INTS15: variants seen among roughly 807,000 people sequenced by gnomAD.
INTS15 encodes the protein uncharacterized protein C7orf26.
At chr7:6,592,847 C>T in the INTS15 span, among the ~76,000 whole-genome samples, 203 of 152,052 alleles carry the variant, frequency 1.3e-3, no homozygotes, top group African/African-American at 4.7e-3. Context: ...TGAGGTCAAG[C>T]GATCCTCCTG....
chr7:6,608,049 C>T, the INTS15 span: 2 of 1,599,300 alleles, frequency 1.3e-6, no homozygotes, highest in South Asian at 1.1e-5. Context: ...CACACGCCCC[C>T]GCTGGGCTAC....
At chr7:6,597,812 C>T in the INTS15 span, among the ~76,000 whole-genome samples, 1 of 152,228 alleles carries the variant, frequency 6.6e-6, no homozygotes, top group Admixed American at 6.5e-5. Flanking sequence ...CCCTGGAAGT[C>T]ACCATCCGAA....
the INTS15 span, chr7:6,607,605 G>A: frequency 7.2e-7 from 1 of 1,393,554 alleles, no homozygotes; most frequent in South Asian, 1.2e-5. This position sits in a 1 kb window ranked among gnomAD's most constrained non-coding sequence, Gnocchi z 6.0. Flanking sequence ...CAGGTAGGGC[G>A]CGGTCATTCT....
the INTS15 span, among the ~76,000 whole-genome samples, chr7:6,593,431 C>T: frequency 1.3e-5 from 2 of 149,884 alleles, no homozygotes; most frequent in Non-Finnish European, 3.0e-5. Flanking sequence ...CCCAGGTTCA[C>T]CCTAGTCTCC....
At chr7:6,607,331 G>A in the INTS15 span, among the ~76,000 whole-genome samples, 2 of 151,682 alleles carry the variant, frequency 1.3e-5, no homozygotes, top group East Asian at 3.9e-4. The surrounding 1 kb of genome is among the most constrained non-coding windows in gnomAD (Gnocchi z 6.0). Context: ...GGAGCGCGGT[G>A]GCGGATGGGG....
At chr7:6,603,478 C>T in the INTS15 span, among the ~76,000 whole-genome samples, 7 of 151,646 alleles carry the variant, frequency 4.6e-5, no homozygotes, top group East Asian at 3.9e-4. Context: ...ACCTAGGAGG[C>T]GGAGTTTGCA....
chr7:6,603,824 A>C, the INTS15 span, among the ~76,000 whole-genome samples: 5 of 151,964 alleles, frequency 3.3e-5, no homozygotes, highest in East Asian at 9.7e-4. Flanking sequence ...GGGCAATAAG[A>C]GCAAAACTCC....
At chr7:6,600,166 C>T in the INTS15 span, 75 of 1,614,090 alleles carry the variant, frequency 4.6e-5, no homozygotes, top group East Asian at 3.8e-4. Flanking sequence ...TGCACCTGAC[C>T]GAGAAGAATC....
At chr7:6,594,169 C>T in the INTS15 span, among the ~76,000 whole-genome samples, 21 of 151,496 alleles carry the variant, frequency 1.4e-4, no homozygotes, top group Non-Finnish European at 2.8e-4. Context: ...CCACCATTCC[C>T]AGTTAATTTT....
the INTS15 span, among the ~76,000 whole-genome samples, chr7:6,607,350 C>T: frequency 1.6e-4 from 24 of 148,760 alleles, no homozygotes; most frequent in Admixed American, 4.8e-4. This position sits in a 1 kb window ranked among gnomAD's most constrained non-coding sequence, Gnocchi z 6.0. Flanking sequence ...GGAGACCGTG[C>T]TTGCAGCTGT....
the INTS15 span, chr7:6,599,981 C>T: frequency 1.8e-3 from 2,964 of 1,614,188 alleles, 51 homozygotes; most frequent in African/African-American, 0.035. Flanking sequence ...TGGATTGATC[C>T]GCTGGTGCGT....
At chr7:6,591,823 G>A in the INTS15 span, 2 of 1,614,098 alleles carry the variant, frequency 1.2e-6, no homozygotes, top group East Asian at 4.5e-5. Context: ...GGCGGTGGCT[G>A]TGTGTCGAAT....
chr7:6,599,573 C>CT, the INTS15 span, among the ~76,000 whole-genome samples: 2 of 152,348 alleles, frequency 1.3e-5, no homozygotes, highest in Admixed American at 1.3e-4. Context: ...GAATTGTAGA[C>CT]TTAAGTATTT....
At chr7:6,594,808 C>A in the INTS15 span, among the ~76,000 whole-genome samples, 1 of 152,064 alleles carries the variant, frequency 6.6e-6, no homozygotes, top group African/African-American at 2.4e-5. Context: ...GTAACCTCCC[C>A]CTCCCAGGTT....
the INTS15 span, chr7:6,600,419 A>T: frequency 1.3e-5 from 20 of 1,492,224 alleles, no homozygotes; most frequent in Non-Finnish European, 1.7e-5. Context: ...AGAAGGAAGG[A>T]GGGGCTCCTG....
the INTS15 span, chr7:6,608,428 T>C: frequency 7.4e-7 from 1 of 1,346,094 alleles, no homozygotes; most frequent in Non-Finnish European, 9.5e-7. Context: ...GAGCCTCTGT[T>C]CTCTGCGCAT....
the INTS15 span, among the ~76,000 whole-genome samples, chr7:6,599,046 C>G: frequency 6.6e-6 from 1 of 152,126 alleles, no homozygotes; most frequent in African/African-American, 2.4e-5. Context: ...CCTTGGCCTC[C>G]CAAAGTGCTG....
At chr7:6,592,253 T>G in the INTS15 span, among the ~76,000 whole-genome samples, 1,605 of 152,090 alleles carry the variant, frequency 0.011, 29 homozygotes, top group African/African-American at 0.036. Context: ...TCTGGAGTGT[T>G]TTTTGTTTGT....
the INTS15 span, chr7:6,608,140 T>A: frequency 2.6e-6 from 4 of 1,567,768 alleles, no homozygotes; most frequent in Non-Finnish European, 2.6e-6. Context: ...GCGTGACCTT[T>A]CCCTTCAGGC....
Sources: allele counts gnomAD v4.1 joint callset (sites outside exome capture counted in the v4.1 genomes callset), GRCh38; gene constraint gnomAD v4.1.1; non-coding constraint Gnocchi (gnomAD v3.1); transcripts MANE v1.5; gene names NCBI Gene and HGNC (gene_info 2026-07-23, HGNC 2026-07-21).